The following SDK1 variants were observed in gnomAD, a reference collection of about 807,000 sequenced individuals.
The protein encoded by SDK1 is protein sidekick-1.
A neutral mutation model predicts 245.5 loss-of-function variants in SDK1; 157 were observed. The observed-to-expected ratio is 0.64, with a 90% confidence interval of 0.56 to 0.73. The LOEUF (loss-of-function observed/expected upper bound fraction) is 0.73. Among genes scored for constraint, SDK1 ranks in the 30% least tolerant of loss-of-function variants. The pLI, the probability that SDK1 is intolerant of heterozygous loss-of-function variation, is 0.00. For synonymous variants in SDK1, 1,647 were observed against 1,278.5 expected, an observed-to-expected ratio of 1.29 and a Z score of -6.15; for missense variants, 3,583 against 3,002.3, an observed-to-expected ratio of 1.19 and a Z score of -4.52.
intron 1 of SDK1, among the ~76,000 whole-genome samples, chr7:3,381,220 G>A (rs1201542500): frequency 6.6e-6 from 1 of 152,138 alleles, no homozygotes; most frequent in African/African-American, 2.4e-5. Flanking sequence ...CAAGAACGAG[G>A]GGCAAGTGGG....
At chr7:3,529,488 T>G (rs1032298368) in intron 1 of SDK1, among the ~76,000 whole-genome samples, 1 of 152,182 alleles carries the variant, frequency 6.6e-6, no homozygotes, top group Non-Finnish European at 1.5e-5. Flanking sequence ...TTGGACAATT[T>G]GAGCAAGAGA....
intron 4 of SDK1, among the ~76,000 whole-genome samples, chr7:3,784,882 G>A (rs998688395): frequency 1.3e-5 from 2 of 152,158 alleles, no homozygotes; most frequent in Non-Finnish European, 2.9e-5. Context: ...TGAAATCAGT[G>A]TGTTGAAGAC....
intron 5 of SDK1, among the ~76,000 whole-genome samples, chr7:3,930,009 T>C (rs12701293): frequency 0.26 from 39,266 of 151,994 alleles, 5,410 homozygotes; most frequent in Middle Eastern, 0.38. Context: ...ACCTAATTGG[T>C]AAACAGGTGA....
intron 5 of SDK1, among the ~76,000 whole-genome samples, chr7:3,832,712 T>C (rs1779941694): frequency 6.6e-6 from 1 of 152,248 alleles, no homozygotes; most frequent in Non-Finnish European, 1.5e-5. Flanking sequence ...AGATTCTTTC[T>C]GTGTGTTCTA....
At chr7:3,337,558 C>T (rs1479142203) in intron 1 of SDK1, among the ~76,000 whole-genome samples, 1 of 152,042 alleles carries the variant, frequency 6.6e-6, no homozygotes, top group Non-Finnish European at 1.5e-5. Flanking sequence ...GAGCCCCAGA[C>T]AGGATCAACC....
At chr7:4,191,902 C>T (rs1331163622) in intron 35 of SDK1, among the ~76,000 whole-genome samples, 1 of 152,250 alleles carries the variant, frequency 6.6e-6, no homozygotes, top group East Asian at 1.9e-4. Flanking sequence ...ATCCAACCCA[C>T]TGTTGAGAGT....
At chr7:4,100,155 G>A (rs1420891151) in intron 22 of SDK1, among the ~76,000 whole-genome samples, 1 of 152,216 alleles carries the variant, frequency 6.6e-6, no homozygotes, top group Non-Finnish European at 1.5e-5. Flanking sequence ...CACCCAACAT[G>A]TGGCACAGGG....
At chr7:4,167,114 G>A (rs1230920794) in intron 32 of SDK1, among the ~76,000 whole-genome samples, 1 of 152,148 alleles carries the variant, frequency 6.6e-6, no homozygotes, top group African/African-American at 2.4e-5. Context: ...ATTTAAACAG[G>A]CTCTTTTGCT....
rs1468977626 is a variant in SDK1 at position 3,954,262 on chromosome 7, C to T, written c.1150+2342C>T. On this transcript the variant is annotated intron_variant, in intron 7 of 44. Coordinates refer to ENST00000404826, the MANE Select transcript of SDK1 (RefSeq NM_152744.4). ...ACCCTCCCCTCCTGCCTCCCCTCTA[C>T]ACCCTCCTCTCCCGCATCACCTCTA... Among the ~76,000 whole-genome samples, 10 of 107,032 alleles carry T rather than the reference C, an allele frequency of 9.3e-5. 2 individuals are homozygous for T. The highest frequency in any genetic ancestry group is 3.4e-4 in the African/African-American group (9 of 26,730). 70.2% of individuals were successfully genotyped at this position (107,032 alleles called of 152,430 possible). A position where few individuals can be genotyped will look rare whatever the true frequency, so the allele number is the denominator to read the frequency against.
At chr7:3,830,434 A>C (rs1158083367) in intron 5 of SDK1, among the ~76,000 whole-genome samples, 3 of 152,202 alleles carry the variant, frequency 2.0e-5, no homozygotes, top group Admixed American at 6.5e-5. Flanking sequence ...ATATTTAAGC[A>C]TAAGAGTTCT....
rs530089091 is a variant in SDK1, at chr7:4,203,172, C to T, written c.5099-2707C>T. 3.3e-5 allele frequency among the ~76,000 whole-genome samples: 5 copies of T among 152,352 alleles called. No homozygotes were observed. The East Asian group carries it at 7.7e-4, about 24-fold the overall frequency. Reference sequence around the variant, plus strand: ...CGGCTCAGGCCCCAGCGCCCAGCCACGCAAGGCCATCCAAGCAACCAGCCA... The same window carrying T: ...CGGCTCAGGCCCCAGCGCCCAGCCATGCAAGGCCATCCAAGCAACCAGCCA... On this transcript the variant is annotated intron_variant, in intron 35 of 44. Transcript: ENST00000404826.
Position 4,012,098 on chromosome 7 carries a change from G to C in SDK1, c.2283G>C (p.Leu761Phe). The C allele has an allele frequency of 6.5e-7, 1 of 1,543,540 alleles. No individual in the cohort carries two copies. Among genetic ancestry groups the C allele is most frequent in the Non-Finnish European group, 8.7e-7 (1 of 1,147,346 alleles). The change falls in exon 16 of 45, where the codon TTG (leucine) becomes TTC (phenylalanine). Residue 761 changes from leucine (L) to phenylalanine (F), a missense_variant. By Grantham distance (22) the Leu-to-Phe change is conservative. Transcript: ENST00000404826. ...CCTACCCGTCTTTTATTTATAGGTT[G>C]ATGCTACCTGAAGAACCACCCAGTG... is the stretch of plus-strand genomic sequence containing the variant. ...RGQYSAETSR[L>F]MLPEEPPSAP...
chr7:3,674,315 G>A (rs1449136555), intron 4 of SDK1, among the ~76,000 whole-genome samples: 1 of 152,158 alleles, frequency 6.6e-6, no homozygotes, highest in Non-Finnish European at 1.5e-5. Flanking sequence ...ATGGTAATGA[G>A]AAGGAAGGAG....
At chr7:3,582,288 G>C (rs894370380) in intron 1 of SDK1, among the ~76,000 whole-genome samples, 48 of 146,350 alleles carry the variant, frequency 3.3e-4, no homozygotes, top group South Asian at 1.1e-3. Context: ...AGGTAGGTCT[G>C]TCTCAGGTAG....
chr7:4,241,975 A>G (rs1420526650), intron 43 of SDK1, 62 bp downstream of exon 43: 1 of 1,584,188 alleles, frequency 6.3e-7, no homozygotes, highest in African/African-American at 1.3e-5. Flanking sequence ...CTGGGGTGGC[A>G]GCCCACGCCC....
intron 22 of SDK1, among the ~76,000 whole-genome samples, chr7:4,097,727 T>C (rs1782247805): frequency 6.6e-6 from 1 of 152,154 alleles, no homozygotes; most frequent in African/African-American, 2.4e-5. Flanking sequence ...CTTCCCTCCT[T>C]ATGGAAGGAC....
In SDK1 at chr7:4,239,908, A is replaced by G. The variant is rs543573462; in HGVS notation, c.6131-1885A>G. 6.1e-4 allele frequency among the ~76,000 whole-genome samples: 93 copies of G among 152,304 alleles called. 1 individual carries two copies. Among genetic ancestry groups the G allele is most frequent in the Non-Finnish European group, 9.9e-4 (67 of 68,018 alleles). ...CCTGAGCCAAGGAGCCAGGCAGAGT[A>G]GGTTCCTGACCCCGACCACAAGTCC... On this transcript the variant is annotated intron_variant, in intron 42 of 44. Transcript: ENST00000404826.
chr7:3,876,163 G>A (rs1191995606), intron 5 of SDK1, among the ~76,000 whole-genome samples: 2 of 152,202 alleles, frequency 1.3e-5, no homozygotes, highest in Non-Finnish European at 2.9e-5. Context: ...GACTCTCCCA[G>A]TGTCCTCCTG....
chr7:4,265,251 A>ACGAGGCGGTGGCGGGCTC lies in SDK1; in HGVS notation c.6518_6535dup (p.Val2173_Ala2178dup). The ACGAGGCGGTGGCGGGCTC allele has an allele frequency of 6.2e-7, 1 of 1,604,364 alleles. No homozygotes were observed. Among genetic ancestry groups the ACGAGGCGGTGGCGGGCTC allele is most frequent in the Non-Finnish European group, 8.5e-7 (1 of 1,178,498 alleles). On this transcript the variant is annotated inframe_insertion, in exon 45 of 45. Transcript: ENST00000404826. ...GGCCGCGCACCTGCGCCGCACAGGTACGAGGCGGTGGCGGGCTCCGAGGCG... is the reference window on the plus strand; with the variant it reads ...GGCCGCGCACCTGCGCCGCACAGGTACGAGGCGGTGGCGGGCTCCGAGGCGGTGGCGGGCTCCGAGGCG...
Sources: allele counts gnomAD v4.1 joint callset (sites outside exome capture counted in the v4.1 genomes callset), GRCh38; gene constraint gnomAD v4.1.1; transcripts MANE v1.5; gene names NCBI Gene and HGNC (gene_info 2026-07-23, HGNC 2026-07-21).